TGFBR3: variants seen among roughly 807,000 people sequenced by gnomAD.
TGFBR3 encodes transforming growth factor beta receptor type 3.
TGFBR3 carries 46 observed loss-of-function variants against 87.9 expected under a neutral mutation model. That is an observed-to-expected ratio of 0.52 (90% CI 0.41 to 0.67). The LOEUF (loss-of-function observed/expected upper bound fraction) is 0.67, where lower values mean the gene tolerates loss of function less well. TGFBR3 is among the 30% of genes least tolerant of loss of function. The pLI is 0.00. For missense variants in TGFBR3, 866 were observed against 1,041.9 expected (o/e 0.83, Z 2.32); for synonymous variants, 381 against 391.6 (o/e 0.97, Z 0.32).
chr1:91,712,563 G>A, intron 12 of TGFBR3, 21 bp from the exon 13 acceptor site: 1 of 1,613,152 alleles, frequency 6.2e-7, no homozygotes, highest in Non-Finnish European at 8.5e-7. Context: ...ACAGAAAGAT[G>A]AATTAGGAAA....
chr1:91,899,923 T>A lies in TGFBR3; in HGVS notation c.-174-226A>T, dbSNP rs17887230. Among the ~76,000 whole-genome samples the A allele has an allele frequency of 1.6e-3, 251 of 152,184 alleles. 1 individual carries two copies. Among genetic ancestry groups the A allele is most frequent in the African/African-American group, 4.9e-3 (205 of 41,520 alleles). ...TATGATGGTACCTGTGAATAACCACTGCACTCCAGCCTGGGCAGCATAGTG... is the reference window on the plus strand; with the variant it reads ...TATGATGGTACCTGTGAATAACCACAGCACTCCAGCCTGGGCAGCATAGTG... On this transcript the variant is annotated intron_variant, in intron 1 of 17. Transcript: ENST00000370399.
chr1:91,687,507 C>T (rs1671128926), intron 16 of TGFBR3, among the ~76,000 whole-genome samples: 1 of 152,052 alleles, frequency 6.6e-6, no homozygotes, highest in African/African-American at 2.4e-5. Context: ...CATGGCAGGT[C>T]CTGGGGAAGA....
At chr1:91,781,973 T>C (rs1674783972) in intron 3 of TGFBR3, among the ~76,000 whole-genome samples, 1 of 152,072 alleles carries the variant, frequency 6.6e-6, no homozygotes, top group South Asian at 2.1e-4. Context: ...TTTAGAAAAA[T>C]AATTGTTCAC....
At chr1:91,850,780 CAAAAAA>C (rs61025683) in intron 2 of TGFBR3, among the ~76,000 whole-genome samples, 75 of 58,424 alleles carry the variant, frequency 1.3e-3, no homozygotes, top group East Asian at 1.7e-3. Context: ...GACCCTGTCT[CAAAAAA>C]AAAAAAAAAA....
chr1:91,721,873 A>G (rs564229239), intron 8 of TGFBR3, 82 bp downstream of exon 8: 2 of 1,317,774 alleles, frequency 1.5e-6, no homozygotes, highest in African/African-American at 1.5e-5. Context: ...ACAGCAACAT[A>G]TAAGCTGAAA....
intron 2 of TGFBR3, among the ~76,000 whole-genome samples, chr1:91,858,624 A>C (rs1039205193): frequency 1.3e-5 from 2 of 151,058 alleles, no homozygotes; most frequent in East Asian, 1.9e-4. Context: ...AAAAAAAAAA[A>C]AAAAAAAAAC....
At chr1:91,757,751 G>A (rs1571479432) in intron 4 of TGFBR3, among the ~76,000 whole-genome samples, 1 of 152,166 alleles carries the variant, frequency 6.6e-6, no homozygotes, top group Non-Finnish European at 1.5e-5. Flanking sequence ...TTCAAACACA[G>A]GGGAAAGAAA....
chr1:91,811,744 A>C (rs545043399), intron 2 of TGFBR3, among the ~76,000 whole-genome samples: 478 of 152,348 alleles, frequency 3.1e-3, no homozygotes, highest in African/African-American at 0.011. Context: ...ACTGGGATAA[A>C]TGAGATACCT....
chr1:91,774,576 G>C (rs1486163634), intron 3 of TGFBR3, among the ~76,000 whole-genome samples: 8 of 152,130 alleles, frequency 5.3e-5, no homozygotes, highest in Admixed American at 5.2e-4. Flanking sequence ...CCCACTGTCA[G>C]GTTCTCAAAT....
At chr1:91,707,599 T>C (rs1353927046) in intron 14 of TGFBR3, among the ~76,000 whole-genome samples, 1 of 152,186 alleles carries the variant, frequency 6.6e-6, no homozygotes, top group East Asian at 1.9e-4. Context: ...AGCCAGACAG[T>C]GTGCTGGCTT....
intron 2 of TGFBR3, among the ~76,000 whole-genome samples, chr1:91,832,087 T>C (rs1170073477): frequency 6.6e-6 from 1 of 152,208 alleles, no homozygotes; most frequent in Non-Finnish European, 1.5e-5. Flanking sequence ...TACTTAAAAA[T>C]TCAACAAAGT....
At chr1:91,801,097 AAAAGAG>A in intron 2 of TGFBR3, 2 of 218,760 alleles carry the variant, frequency 9.1e-6, no homozygotes, top group South Asian at 4.8e-5. Flanking sequence ...AAAAAAAAAA[AAAAGAG>A]AGAGAGAGAG....
At chr1:91,748,599 GT>G (rs1557690467) in intron 4 of TGFBR3, among the ~76,000 whole-genome samples, 1 of 152,178 alleles carries the variant, frequency 6.6e-6, no homozygotes, top group Non-Finnish European at 1.5e-5. Context: ...CTGAAGCCCT[GT>G]TCTTGGAACA....
rs573635131 is a variant in TGFBR3, at chr1:91,753,345, G to C, written c.384+5268C>G. ...GTTGAGGCTACAGTGAGGCATGTTT[G>C]CACCACTGCACTCCAGCCTGAGTAA... On this transcript the variant is annotated intron_variant, in intron 4 of 16. Coordinates refer to ENST00000212355, the MANE Select transcript of TGFBR3 (RefSeq NM_003243.5). Among the ~76,000 whole-genome samples the C allele has an allele frequency of 2.5e-5, 3 of 120,694 alleles. No homozygotes were observed. The South Asian group carries it at 8.2e-4, about 33-fold the overall frequency. The allele number at this position is 120,694 out of a possible 152,430, so 79.2% of individuals were successfully genotyped here.
chr1:91,759,499 T>C (rs1379751521), intron 3 of TGFBR3, among the ~76,000 whole-genome samples: 4 of 150,710 alleles, frequency 2.7e-5, no homozygotes, highest in Non-Finnish European at 4.4e-5. Context: ...GTCATTAACA[T>C]CACCAAAAAG....
chr1:91,886,029 C>T lies in TGFBR3; in HGVS notation c.-265G>A. 4.4e-6 allele frequency: 2 copies of T among 454,032 alleles called. No homozygotes were observed. The highest frequency in any genetic ancestry group is 8.8e-6 in the Non-Finnish European group (2 of 226,740). 28.1% of individuals were successfully genotyped at this position (454,032 alleles called of 1,614,324 possible). A position where few individuals can be genotyped will look rare whatever the true frequency, so the allele number is the denominator to read the frequency against. ...CATCCGGACCCGCTGGGGACTCTCACCTCCTGCAGGGAGCTCCGGGAATCG... is the reference window on the plus strand; with the variant it reads ...CATCCGGACCCGCTGGGGACTCTCATCTCCTGCAGGGAGCTCCGGGAATCG... On this transcript the variant is annotated 5_prime_UTR_variant, in exon 1 of 17. In the 5' UTR this introduces an upstream ATG that the reference lacks. Coordinates refer to ENST00000212355, the MANE Select transcript of TGFBR3 (RefSeq NM_003243.5).
At chr1:91,733,648 C>G (rs549634387) in intron 5 of TGFBR3, among the ~76,000 whole-genome samples, 87 of 152,302 alleles carry the variant, frequency 5.7e-4, no homozygotes, top group African/African-American at 2.0e-3. Flanking sequence ...AGTGTTCACA[C>G]AATCAGCCAG....
chr1:91,750,077 G>A (rs1673483216), intron 4 of TGFBR3, among the ~76,000 whole-genome samples: 1 of 152,138 alleles, frequency 6.6e-6, no homozygotes, highest in African/African-American at 2.4e-5. Context: ...TCAATTTGTT[G>A]AATGAAAGCA....
chr1:91,797,911 G>C (rs1191199884), intron 2 of TGFBR3, among the ~76,000 whole-genome samples: 3 of 152,110 alleles, frequency 2.0e-5, no homozygotes, highest in Admixed American at 2.0e-4. Context: ...CTTTATTAGG[G>C]AAAGCAAAAC....
Sources: allele counts gnomAD v4.1 joint callset (sites outside exome capture counted in the v4.1 genomes callset), GRCh38; gene constraint gnomAD v4.1.1; transcripts MANE v1.5; gene names NCBI Gene and HGNC (gene_info 2026-07-23, HGNC 2026-07-21).